The following NELL2 variants were observed in gnomAD, a reference collection of about 807,000 sequenced individuals.
NELL2 encodes neural EGFL like 2.
NELL2 carries 41 observed loss-of-function variants against 109.6 expected under a neutral mutation model. That is an observed-to-expected ratio of 0.37 (90% confidence interval 0.29 to 0.49). The LOEUF (loss-of-function observed/expected upper bound fraction) is 0.49, where lower values mean the gene tolerates loss of function less well. NELL2 is among the 20% of genes least tolerant of loss of function. NELL2 has a pLI of 0.98. For synonymous variants in NELL2, 355 were observed against 344.7 expected (o/e 1.03, Z -0.33); for missense variants, 900 against 1,008.3 (o/e 0.89, Z 1.45).
chr12:44,677,977 T>C (rs932433797), intron 12 of NELL2, among the ~76,000 whole-genome samples: 2 of 152,060 alleles, frequency 1.3e-5, no homozygotes, highest in Non-Finnish European at 2.9e-5. Flanking sequence ...GAAACAGCAC[T>C]GGGCTAGAGA....
rs1043524788 is a variant in NELL2 at position 44,689,476 on chromosome 12, A to G, written c.1318+14250T>C. Among the ~76,000 whole-genome samples the G allele has an allele frequency of 9.2e-5, 14 of 152,214 alleles. No individual in the cohort carries two copies. The South Asian group carries it at 2.9e-3, about 32-fold the overall frequency. ...GTAAGAGTTTTTCCTCTTCCCCATC[A>G]TCATATTATATCTCTCTCACCATAG... On this transcript the variant is annotated intron_variant, in intron 12 of 19. Coordinates refer to ENST00000429094, the MANE Select transcript of NELL2 (RefSeq NM_001145108.2).
chr12:44,570,071 T>C (rs1322235704), intron 15 of NELL2, among the ~76,000 whole-genome samples: 1 of 152,184 alleles, frequency 6.6e-6, no homozygotes, highest in Non-Finnish European at 1.5e-5. Context: ...TTTTTAAAAG[T>C]ACCCTGTCTA....
intron 15 of NELL2, among the ~76,000 whole-genome samples, chr12:44,546,724 G>A (rs1324180084): frequency 6.6e-6 from 1 of 152,104 alleles, no homozygotes; most frequent in African/African-American, 2.4e-5. Flanking sequence ...AATCAGATCA[G>A]TTGTACAATC....
intron 12 of NELL2, among the ~76,000 whole-genome samples, chr12:44,687,885 A>G (rs1202820686): frequency 6.6e-6 from 1 of 152,140 alleles, no homozygotes; most frequent in African/African-American, 2.4e-5. Context: ...GCAATTTATT[A>G]TTTTTAATAA....
At chr12:44,807,685 G>GA (rs1256856717) in intron 3 of NELL2, among the ~76,000 whole-genome samples, 3 of 151,768 alleles carry the variant, frequency 2.0e-5, no homozygotes, top group African/African-American at 4.8e-5. Context: ...ATGCTGAAAA[G>GA]AAAAAAATAA....
chr12:44,615,407 C>A (rs1464399754), intron 13 of NELL2, among the ~76,000 whole-genome samples: 1 of 151,960 alleles, frequency 6.6e-6, no homozygotes, highest in Admixed American at 6.6e-5. Flanking sequence ...TACTTTGTTA[C>A]ATATATTATC....
chr12:44,509,474 TAGG>T (rs1940883228), intron 19 of NELL2, among the ~76,000 whole-genome samples: 1 of 152,114 alleles, frequency 6.6e-6, no homozygotes, highest in Admixed American at 6.6e-5. Context: ...GTGATGGTAT[TAGG>T]AGGTAAAGCC....
chr12:44,512,285 C>T (rs532154372), intron 19 of NELL2, among the ~76,000 whole-genome samples: 2 of 152,276 alleles, frequency 1.3e-5, no homozygotes, highest in African/African-American at 4.8e-5. Context: ...GAGCTATCAT[C>T]TCACTCCAGT....
intron 1 of NELL2, among the ~76,000 whole-genome samples, chr12:44,898,532 A>T (rs941546293): frequency 2.0e-5 from 3 of 152,198 alleles, no homozygotes; most frequent in Admixed American, 6.5e-5. Context: ...TTAGAAGGAA[A>T]ACCAACAAAC....
At chr12:44,787,861 T>A (rs1295681603) in intron 3 of NELL2, among the ~76,000 whole-genome samples, 1 of 151,926 alleles carries the variant, frequency 6.6e-6, no homozygotes, top group Non-Finnish European at 1.5e-5. Flanking sequence ...ACTGTTAGGA[T>A]AAAAAAAGGA....
chr12:44,515,673 A>T (rs761519539), intron 19 of NELL2, among the ~76,000 whole-genome samples: 7 of 151,958 alleles, frequency 4.6e-5, no homozygotes, highest in Non-Finnish European at 7.4e-5. Flanking sequence ...ACTCAGTCTG[A>T]CTACTAGGAA....
chr12:44,620,913 C>A (rs1946033491), intron 13 of NELL2, among the ~76,000 whole-genome samples: 2 of 152,082 alleles, frequency 1.3e-5, no homozygotes, highest in South Asian at 4.1e-4. Flanking sequence ...ATCTAATCTC[C>A]ATTCCTTCTG....
intron 2 of NELL2, among the ~76,000 whole-genome samples, chr12:44,820,332 G>A (rs1003867324): frequency 6.6e-6 from 1 of 152,178 alleles, no homozygotes; most frequent in African/African-American, 2.4e-5. Flanking sequence ...ATCTAGGCCG[G>A]GCGCAGTGGC....
chr12:44,856,344 G>A lies in NELL2; in HGVS notation c.184+18881C>T, dbSNP rs896900685. Among the ~76,000 whole-genome samples the A allele has an allele frequency of 6.6e-5, 10 of 152,312 alleles. No individual in the cohort carries two copies. The South Asian group carries it at 2.1e-3, about 32-fold the overall frequency. On this transcript the variant is annotated intron_variant, in intron 2 of 19. Coordinates refer to ENST00000429094, the MANE Select transcript of NELL2 (RefSeq NM_001145108.2). ...CCCGCATGCACTTTACTTTTTAGCA[G>A]CAGAGACAAACAATAAACAATTCAA...
intron 11 of NELL2, among the ~76,000 whole-genome samples, chr12:44,708,291 T>C (rs1938001334): frequency 6.6e-6 from 1 of 152,114 alleles, no homozygotes; most frequent in Non-Finnish European, 1.5e-5. Context: ...TAGAACACAG[T>C]CTTGGGTGAA....
At chr12:44,831,763 T>C (rs1943894873) in intron 2 of NELL2, among the ~76,000 whole-genome samples, 2 of 152,184 alleles carry the variant, frequency 1.3e-5, no homozygotes, top group African/African-American at 4.8e-5. Context: ...ATGAGGAAAA[T>C]GGCAGTGTGG....
intron 15 of NELL2, among the ~76,000 whole-genome samples, chr12:44,552,063 C>T (rs1031309306): frequency 2.6e-5 from 4 of 152,246 alleles, no homozygotes; most frequent in African/African-American, 4.8e-5. Context: ...GTTTCCATTG[C>T]AGCTACTAGG....
At chr12:44,837,840 A>G (rs1057180189) in intron 2 of NELL2, among the ~76,000 whole-genome samples, 2 of 152,240 alleles carry the variant, frequency 1.3e-5, no homozygotes, top group African/African-American at 4.8e-5. Context: ...TGAATTAAAA[A>G]ATAGCTTTAA....
intron 9 of NELL2, among the ~76,000 whole-genome samples, chr12:44,767,303 G>A (rs1941373237): frequency 6.6e-6 from 1 of 152,066 alleles, no homozygotes; most frequent in Middle Eastern, 3.2e-3. Context: ...TCTTGTCAAG[G>A]TTGCCTGGGA....
Sources: gnomAD v4.1 joint callset for allele counts (sites outside exome capture counted in the v4.1 genomes callset) on GRCh38, gnomAD v4.1.1 for gene constraint, MANE v1.5 for transcripts, NCBI Gene and HGNC (gene_info 2026-07-23, HGNC 2026-07-21) for gene names.